The following ZFAT variants were observed in gnomAD, a reference collection of about 807,000 sequenced individuals.
ZFAT encodes zinc finger and AT-hook domain containing.
A neutral mutation model predicts 117.7 loss-of-function variants in ZFAT; 64 were observed. The observed-to-expected ratio is 0.54, with a 90% CI of 0.44 to 0.67. ZFAT has a LOEUF of 0.67. ZFAT is among the 30% of genes least tolerant of loss of function. The pLI is 0.00. For synonymous variants in ZFAT, 679 were observed against 615.0 expected (o/e 1.10, Z -1.54); for missense variants, 1,433 against 1,584.5 (o/e 0.90, Z 1.62).
intron 3 of ZFAT, among the ~76,000 whole-genome samples, chr8:134,630,711 G>GA (rs138220948): frequency 0.11 from 16,468 of 151,156 alleles, 1,116 homozygotes; most frequent in East Asian, 0.36. Flanking sequence ...ATAACTACAG[G>GA]AAAAAAAAAT....
chr8:134,824,829 A>T, the ZFAT span, among the ~76,000 whole-genome samples: 1 of 152,240 alleles, frequency 6.6e-6, no homozygotes, highest in Non-Finnish European at 1.5e-5. Flanking sequence ...TTAAATGAAC[A>T]CATTTTCTAA....
intron 15 of ZFAT, among the ~76,000 whole-genome samples, chr8:134,496,795 G>T (rs1301394656): frequency 6.6e-6 from 1 of 152,060 alleles, no homozygotes; most frequent in East Asian, 1.9e-4. Context: ...GTGAGGGAGG[G>T]TACTCCTCCC....
intron 11 of ZFAT, among the ~76,000 whole-genome samples, chr8:134,558,187 G>A (rs1823790570): frequency 6.6e-6 from 1 of 152,206 alleles, no homozygotes. Context: ...AGAGGCCAGA[G>A]TTTCTCCTTG....
At chr8:134,740,225 A>AGT in the ZFAT span, among the ~76,000 whole-genome samples, 1 of 152,174 alleles carries the variant, frequency 6.6e-6, no homozygotes, top group African/African-American at 2.4e-5. Context: ...AGGAAGAGTG[A>AGT]GTGAGGTAGA....
intron 14 of ZFAT, among the ~76,000 whole-genome samples, chr8:134,511,728 G>A (rs930408083): frequency 6.6e-6 from 1 of 152,176 alleles, no homozygotes; most frequent in African/African-American, 2.4e-5. Context: ...AGAGCATCAA[G>A]AAAAACTGTT....
At chr8:134,500,209 G>A (rs748005342) in intron 15 of ZFAT, among the ~76,000 whole-genome samples, 7 of 152,182 alleles carry the variant, frequency 4.6e-5, no homozygotes, top group African/African-American at 1.7e-4. Flanking sequence ...AATTAAAACC[G>A]ACCTGCCTTG....
intron 12 of ZFAT, among the ~76,000 whole-genome samples, chr8:134,522,747 T>C (rs4909874): frequency 0.28 from 42,707 of 152,152 alleles, 6,593 homozygotes; most frequent in Admixed American, 0.36. Context: ...TTTATTCTTA[T>C]GGCCACACTT....
intron 10 of ZFAT, among the ~76,000 whole-genome samples, chr8:134,576,856 T>C (rs1444670816): frequency 6.6e-6 from 1 of 152,230 alleles, no homozygotes; most frequent in East Asian, 1.9e-4. Context: ...GATAATTCTT[T>C]TCAAATTTTA....
intron 1 of ZFAT, among the ~76,000 whole-genome samples, chr8:134,683,328 C>G (rs2131304775): frequency 6.6e-6 from 1 of 152,252 alleles, no homozygotes; most frequent in Middle Eastern, 3.4e-3. Context: ...CAAATACAGG[C>G]CTGTATGGTT....
chr8:134,535,320 G>A (rs1488026970), intron 11 of ZFAT, among the ~76,000 whole-genome samples: 1 of 152,146 alleles, frequency 6.6e-6, no homozygotes, highest in East Asian at 1.9e-4. Context: ...ATGTTCTATA[G>A]GCACCTTAAA....
chr8:134,537,532 A>G (rs1038083167), intron 11 of ZFAT, among the ~76,000 whole-genome samples: 3 of 152,172 alleles, frequency 2.0e-5, no homozygotes, highest in African/African-American at 7.2e-5. Flanking sequence ...GGCAGGGGAG[A>G]AGACGAGGGT....
the ZFAT span, among the ~76,000 whole-genome samples, chr8:134,742,590 C>T: frequency 6.6e-6 from 1 of 152,234 alleles, no homozygotes. Flanking sequence ...TGGCTCCCAC[C>T]TCTCTCCAGA....
chr8:134,704,068 C>T (rs1834084175), intron 1 of ZFAT, among the ~76,000 whole-genome samples: 1 of 152,136 alleles, frequency 6.6e-6, no homozygotes, highest in Non-Finnish European at 1.5e-5. Context: ...AAGATACTTG[C>T]CAAGGTCCCA....
chr8:134,632,602 A>G (rs959973894), intron 3 of ZFAT, among the ~76,000 whole-genome samples: 1 of 152,210 alleles, frequency 6.6e-6, no homozygotes, highest in Non-Finnish European at 1.5e-5. Flanking sequence ...ATTGGAGGGG[A>G]TATGAGGTAA....
chr8:134,523,726 T>C (rs1820824671), intron 12 of ZFAT, among the ~76,000 whole-genome samples: 1 of 152,172 alleles, frequency 6.6e-6, no homozygotes, highest in South Asian at 2.1e-4. Context: ...ACTGACCAAG[T>C]TCATTCCCTT....
chr8:134,825,228 T>C, the ZFAT span, among the ~76,000 whole-genome samples: 11 of 152,330 alleles, frequency 7.2e-5, no homozygotes, highest in East Asian at 1.9e-3. Flanking sequence ...AAGCGTGAAT[T>C]AAAAATCAAG....
chr8:134,493,566 CCTT>C (rs1463691968), intron 15 of ZFAT, among the ~76,000 whole-genome samples: 2 of 152,216 alleles, frequency 1.3e-5, no homozygotes, highest in African/African-American at 2.4e-5. Flanking sequence ...GAAAAGGAAA[CCTT>C]CTCTCGTAAA....
At chr8:134,493,550 T>G (rs1818208995) in intron 15 of ZFAT, among the ~76,000 whole-genome samples, 1 of 152,258 alleles carries the variant, frequency 6.6e-6, no homozygotes, top group South Asian at 2.1e-4. Context: ...AATAATCATT[T>G]GACTAGAAAA....
At chr8:134,739,543 T>C in the ZFAT span, among the ~76,000 whole-genome samples, 3 of 152,290 alleles carry the variant, frequency 2.0e-5, no homozygotes, top group African/African-American at 7.2e-5. Context: ...GCTGAAGTGT[T>C]GGAAGGCCCA....
Sources: gnomAD v4.1 joint callset for allele counts (sites outside exome capture counted in the v4.1 genomes callset) on GRCh38, gnomAD v4.1.1 for gene constraint, MANE v1.5 for transcripts, NCBI Gene and HGNC (gene_info 2026-07-23, HGNC 2026-07-21) for gene names.